The following GABRA2 variants were observed in gnomAD, a reference collection of about 807,000 sequenced individuals.
GABRA2 encodes the protein gamma-aminobutyric acid receptor subunit alpha-2.
A neutral mutation model predicts 48.7 loss-of-function variants in GABRA2; 16 were observed. The ratio of observed to expected loss-of-function variants is 0.33; its 90% CI spans 0.22 to 0.50. The LOEUF (loss-of-function observed/expected upper bound fraction) is 0.50. Ranked by LOEUF, GABRA2 falls within the 20% of genes least tolerant of loss-of-function variation. The pLI is 0.98. For synonymous variants in GABRA2, 185 were observed against 184.5 expected (o/e 1.00, Z -0.02); for missense variants, 275 against 535.6 (o/e 0.51, Z 4.80).
At chr4:46,367,036 T>G (rs563241265) in intron 3 of GABRA2, 1 of 152,048 alleles carries the variant, frequency 6.6e-6, no homozygotes, top group Non-Finnish European at 1.5e-5. Context: ...TGAAAAGCAG[T>G]AACAGCAGGG....
rs1281861115 is a variant in GABRA2, at chr4:46,244,031, T to C, written c.*6277A>G. 1 of 151,514 alleles carries C rather than the reference T, an allele frequency of 6.6e-6. No homozygotes were observed. Among genetic ancestry groups the C allele is most frequent in the East Asian group, 2.0e-4 (1 of 5,128 alleles). 9.4% of individuals were successfully genotyped at this position (151,514 alleles called of 1,614,324 possible). A position where few individuals can be genotyped will look rare whatever the true frequency, so the allele number is the denominator to read the frequency against. On this transcript the variant is annotated 3_prime_UTR_variant, in exon 10 of 10. Transcript: ENST00000381620. ...GAATTTGTATCTGCTCAGGAAAATC[T>C]TGAAAATTTATAGAAGACCAACAAT... is the stretch of plus-strand genomic sequence containing the variant.
chr4:46,329,722 T>C (rs1473805837), intron 4 of GABRA2, among the ~76,000 whole-genome samples: 1 of 152,158 alleles, frequency 6.6e-6, no homozygotes, highest in Non-Finnish European at 1.5e-5. Flanking sequence ...TAATTCTTTA[T>C]ATCAGATTTT....
At chr4:46,314,101 T>A (rs1008114580) in intron 4 of GABRA2, among the ~76,000 whole-genome samples, 8 of 152,050 alleles carry the variant, frequency 5.3e-5, no homozygotes, top group African/African-American at 1.9e-4. Context: ...CATCTAGTTA[T>A]CTTTTTTAAT....
chr4:46,310,587 AT>A (rs575249277), intron 5 of GABRA2, among the ~76,000 whole-genome samples: 107 of 152,156 alleles, frequency 7.0e-4, no homozygotes, highest in Non-Finnish European at 1.2e-3. Context: ...GCCAAAAAAA[AT>A]CTCTATCATT....
intron 9 of GABRA2, among the ~76,000 whole-genome samples, chr4:46,257,561 AT>A (rs1716086118): frequency 6.6e-6 from 1 of 151,756 alleles, no homozygotes; most frequent in Non-Finnish European, 1.5e-5. Flanking sequence ...CAAAAACATA[AT>A]AAAAAATCTT....
At chr4:46,340,178 A>T (rs960312135) in intron 3 of GABRA2, among the ~76,000 whole-genome samples, 1 of 151,780 alleles carries the variant, frequency 6.6e-6, no homozygotes, top group African/African-American at 2.4e-5. Flanking sequence ...GCTTGCACTC[A>T]TTCACCCCTA....
At chr4:46,338,870 T>C (rs1732724791) in intron 3 of GABRA2, among the ~76,000 whole-genome samples, 1 of 151,940 alleles carries the variant, frequency 6.6e-6, no homozygotes, top group Non-Finnish European at 1.5e-5. Flanking sequence ...TACTGAGAAG[T>C]AGAAAGGTTG....
chr4:46,318,102 C>A (rs765438792), intron 4 of GABRA2, among the ~76,000 whole-genome samples: 4 of 151,272 alleles, frequency 2.6e-5, no homozygotes, highest in African/African-American at 9.7e-5. Context: ...AATTTAGAAT[C>A]TTTTAATTGC....
At chr4:46,302,837 C>T (rs1725979760) in intron 8 of GABRA2, among the ~76,000 whole-genome samples, 1 of 152,214 alleles carries the variant, frequency 6.6e-6, no homozygotes, top group Admixed American at 6.5e-5. Flanking sequence ...AAACTGCTCT[C>T]TCTGCCTAGA....
At chr4:46,253,793 G>T (rs1051572877) in intron 9 of GABRA2, among the ~76,000 whole-genome samples, 1 of 151,418 alleles carries the variant, frequency 6.6e-6, no homozygotes, top group Admixed American at 6.6e-5. Context: ...CTATGGTGCT[G>T]CATCTTCTCA....
chr4:46,303,351 C>T (rs1048918212), intron 8 of GABRA2, 109 bp downstream of exon 8: 1 of 1,093,920 alleles, frequency 9.1e-7, no homozygotes, highest in Admixed American at 2.0e-5. Flanking sequence ...AACAATACTC[C>T]CCGCCCCACC....
chr4:46,330,487 A>T (rs1283577684), intron 4 of GABRA2, among the ~76,000 whole-genome samples: 1 of 151,254 alleles, frequency 6.6e-6, no homozygotes, highest in Non-Finnish European at 1.5e-5. Context: ...GTATGATGTG[A>T]ATTTGTGTAA....
intron 4 of GABRA2, among the ~76,000 whole-genome samples, chr4:46,319,367 T>A (rs1456322363): frequency 6.6e-6 from 1 of 151,744 alleles, no homozygotes; most frequent in African/African-American, 2.4e-5. Flanking sequence ...TTGTGGCTAA[T>A]AAAGGCTAGT....
chr4:46,319,449 C>T (rs1243088195), intron 4 of GABRA2, among the ~76,000 whole-genome samples: 1 of 151,626 alleles, frequency 6.6e-6, no homozygotes, highest in East Asian at 1.9e-4. Flanking sequence ...AGCAGGTATG[C>T]AACAATGTAA....
intron 8 of GABRA2, among the ~76,000 whole-genome samples, chr4:46,288,037 A>C (rs961464900): frequency 2.0e-5 from 3 of 152,156 alleles, no homozygotes. Context: ...GTCAGATCTC[A>C]TGAGACTTAT....
intron 3 of GABRA2, among the ~76,000 whole-genome samples, chr4:46,361,997 T>C (rs1389096326): frequency 6.6e-6 from 1 of 152,214 alleles, no homozygotes; most frequent in Non-Finnish European, 1.5e-5. Flanking sequence ...AACTTGCTTT[T>C]GATTTTACAG....
chr4:46,291,113 TTC>T (rs1275404379), intron 8 of GABRA2, among the ~76,000 whole-genome samples: 10 of 152,188 alleles, frequency 6.6e-5, no homozygotes, highest in Non-Finnish European at 1.2e-4. Flanking sequence ...TTAGGAAGTG[TTC>T]TTTAAACTTC....
At chr4:46,369,958 A>C (rs1714631081) in intron 3 of GABRA2, among the ~76,000 whole-genome samples, 1 of 152,148 alleles carries the variant, frequency 6.6e-6, no homozygotes, top group African/African-American at 2.4e-5. Flanking sequence ...ATAATGACTC[A>C]CAGGCTAGTG....
At chr4:46,264,973 G>A (rs1717792830) in intron 8 of GABRA2, among the ~76,000 whole-genome samples, 1 of 64,628 alleles carries the variant, frequency 1.5e-5, no homozygotes, top group Middle Eastern at 0.01. Flanking sequence ...ATTGTTCCCA[G>A]AATTACTTTA....
Sources: gnomAD v4.1 joint callset for allele counts (sites outside exome capture counted in the v4.1 genomes callset) on GRCh38, gnomAD v4.1.1 for gene constraint, MANE v1.5 for transcripts, NCBI Gene and HGNC (gene_info 2026-07-23, HGNC 2026-07-21) for gene names.